CA6: variants seen among roughly 807,000 people sequenced by gnomAD.
CA6 encodes carbonic anhydrase 6, also known as carbonate dehydratase VI.
Under a neutral mutation model 35.9 loss-of-function variants are expected in CA6, and 28 were observed. That is an observed-to-expected ratio of 0.78 (90% CI 0.58 to 1.07). The LOEUF is 1.07. Among genes scored for constraint, CA6 ranks in the 50% least tolerant of loss-of-function variants. The probability of loss-of-function intolerance (pLI) is 0.00; values close to 1 mark genes in which losing one functional copy is unlikely to be tolerated. For missense variants in CA6, 377 were observed against 382.0 expected (o/e 0.99, Z 0.11); for synonymous variants, 148 against 152.6 (o/e 0.97, Z 0.22).
rs544381835 is a variant in CA6, at chr1:8,957,416, C to T, written c.408+131C>T. 61 of 794,484 alleles carry T rather than the reference C, an allele frequency of 7.7e-5. No individual in the cohort carries two copies. The African/African-American group carries it at 1.0e-3, about 14-fold the overall frequency. 49.2% of individuals were successfully genotyped at this position (794,484 alleles called of 1,614,324 possible). A position where few individuals can be genotyped will look rare whatever the true frequency, so the allele number is the denominator to read the frequency against. ...AGTGCAGTGGCACAATCTCAGCTCA[C>T]TGCAACCTCCGCCTTCTGGGTTCAA... On this transcript the variant is annotated intron_variant, in intron 3 of 7. Transcript: ENST00000377443.
chr1:8,955,573 C>T (rs934654091), intron 2 of CA6, among the ~76,000 whole-genome samples: 1 of 152,200 alleles, frequency 6.6e-6, no homozygotes, highest in African/African-American at 2.4e-5. Flanking sequence ...TGCTCGGGTC[C>T]TCAGCTCCTC....
At chr1:8,950,158 T>C (rs577331799) in intron 2 of CA6, among the ~76,000 whole-genome samples, 1 of 151,978 alleles carries the variant, frequency 6.6e-6, no homozygotes, top group South Asian at 2.1e-4. Flanking sequence ...TTTTTTTGTA[T>C]TTTTAGTAGA....
At chr1:8,951,833 T>TTG (rs935722692) in intron 2 of CA6, 5 of 321,258 alleles carry the variant, frequency 1.6e-5, no homozygotes, top group African/African-American at 8.7e-5. Context: ...ACAATTTTTT[T>TTG]TTTTGAGATG....
chr1:8,950,166 A>G (rs928526041), intron 2 of CA6, among the ~76,000 whole-genome samples: 1 of 151,922 alleles, frequency 6.6e-6, no homozygotes, highest in Admixed American at 6.6e-5. Context: ...TATTTTTAGT[A>G]GAGACGAGGT....
intron 6 of CA6, among the ~76,000 whole-genome samples, chr1:8,969,814 G>A (rs1004280425): frequency 1.3e-5 from 2 of 152,144 alleles, no homozygotes; most frequent in African/African-American, 2.4e-5. Flanking sequence ...GTGAAAGTCA[G>A]AAGGGAGTGG....
chr1:8,946,012 T>C (rs765660506), intron 1 of CA6, 47 bp downstream of exon 1: 3 of 1,186,672 alleles, frequency 2.5e-6, no homozygotes, highest in Non-Finnish European at 3.7e-6. Flanking sequence ...CTCACACCCT[T>C]ACAACAGGAC....
Position 8,973,768 on chromosome 1 carries a change from CTT to C in CA6, c.845-852_845-851del, listed in dbSNP as rs1178814042. Among the ~76,000 whole-genome samples the C allele has an allele frequency of 4.1e-4, 9 of 22,006 alleles. 1 individual carries two copies. Among genetic ancestry groups the C allele is most frequent in the African/African-American group, 6.2e-4 (2 of 3,234 alleles). 14.4% of individuals were successfully genotyped at this position (22,006 alleles called of 152,430 possible). ...TCTTTCTTTCTTTCTTTCTTTCTTT[CTT>C]TCTTTCTTTCTTTCTTTTCCCTCCC... On this transcript the variant is annotated intron_variant, in intron 7 of 7. Coordinates refer to ENST00000377443, the MANE Select transcript of CA6 (RefSeq NM_001215.4).
intron 2 of CA6, 46 bp downstream of exon 2, chr1:8,949,488 C>A (rs2274331): frequency 0.11 from 170,131 of 1,503,158 alleles, 10,397 homozygotes; most frequent in East Asian, 0.19. Flanking sequence ...GGGCAGCCTG[C>A]AGGGGAAGGC....
chr1:8,970,674 A>C (rs932797649), intron 6 of CA6, among the ~76,000 whole-genome samples, 193 bp from the exon 7 acceptor site: 32 of 151,872 alleles, frequency 2.1e-4, no homozygotes, highest in African/African-American at 7.0e-4. Context: ...ATGATCAGCT[A>C]ATTTTTAGTA....
intron 1 of CA6, 78 bp downstream of exon 1, chr1:8,946,043 T>TTC: frequency 2.9e-6 from 1 of 342,062 alleles, no homozygotes; most frequent in Non-Finnish European, 4.7e-6. Context: ...CTTCTTCTTC[T>TTC]TTTTTTTTTT....
At chr1:8,962,799 C>G in intron 5 of CA6, 143 bp downstream of exon 5, 1 of 704,428 alleles carries the variant, frequency 1.4e-6, no homozygotes, top group Non-Finnish European at 2.5e-6. Context: ...CCTCCCTGTG[C>G]CAGGTTACTT....
intron 2 of CA6, 128 bp downstream of exon 2, chr1:8,949,570 G>T (rs74050961): frequency 9.3e-6 from 7 of 753,066 alleles, no homozygotes; most frequent in Non-Finnish European, 1.5e-5. Flanking sequence ...TGGAGGCCTC[G>T]AACATGAGGG....
intron 6 of CA6, among the ~76,000 whole-genome samples, chr1:8,968,461 GA>G (rs1640027661): frequency 6.6e-6 from 1 of 151,454 alleles, no homozygotes; most frequent in Non-Finnish European, 1.5e-5. Context: ...AAAGTTACTT[GA>G]AATTAGCTCA....
intron 5 of CA6, among the ~76,000 whole-genome samples, chr1:8,966,256 C>T (rs1458808200): frequency 6.6e-5 from 10 of 152,052 alleles, no homozygotes; most frequent in African/African-American, 1.9e-4. Context: ...ATTACAGGCA[C>T]GTGCCACCAT....
chr1:8,955,620 GCCT>G (rs1221135833), intron 2 of CA6, among the ~76,000 whole-genome samples: 1 of 148,698 alleles, frequency 6.7e-6, no homozygotes, highest in East Asian at 2.1e-4. Flanking sequence ...GACCTTGCAC[GCCT>G]CCTTTTAAGG....
In CA6 at chr1:8,974,853, G is replaced by C. The variant is rs1640227557; in HGVS notation, c.*149G>C. ...CCCCTGGGGCAGCTGTTGGGATTCTGATTAAAAGAGGGGAAACGATCATCC... is the reference window on the plus strand; with the variant it reads ...CCCCTGGGGCAGCTGTTGGGATTCTCATTAAAAGAGGGGAAACGATCATCC... On this transcript the variant is annotated 3_prime_UTR_variant, in exon 8 of 8. Transcript: ENST00000377443. The C allele has an allele frequency of 1.9e-6, 1 of 532,924 alleles. No individual in the cohort carries two copies. The highest frequency in any genetic ancestry group is 3.3e-6 in the Non-Finnish European group (1 of 306,640). The allele number at this position is 532,924 out of a possible 1,614,324, so 33.0% of individuals were successfully genotyped here.
chr1:8,960,785 C>A (rs993702107), intron 4 of CA6, among the ~76,000 whole-genome samples: 11 of 98,158 alleles, frequency 1.1e-4, no homozygotes, highest in Non-Finnish European at 1.9e-4. Flanking sequence ...CACACACACA[C>A]ACACATATAT....
At position 8,949,315 on chromosome 1, in the gene CA6, C is replaced by T. The variant is rs778196199; in HGVS notation, c.132C>T (p.Gly44=). The T allele has an allele frequency of 1.2e-6, 2 of 1,613,072 alleles. No individual in the cohort carries two copies. Among genetic ancestry groups the T allele is most frequent in the Non-Finnish European group, 1.7e-6 (2 of 1,179,450 alleles). Residue 44 remains glycine, a synonymous_variant, in exon 2 of 8, where the codon GGC becomes GGT. Transcript: ENST00000377443. The stretch of plus-strand genomic sequence containing the variant: ...CACAGCACTACCCCGCCTGTGGGGG[C>T]CAGAGACAGTCGCCTATCAACCTAC... ...HWPQHYPACG[G]QRQSPINLQR...
At chr1:8,954,301 T>A (rs544061949) in intron 2 of CA6, among the ~76,000 whole-genome samples, 11 of 152,020 alleles carry the variant, frequency 7.2e-5, no homozygotes, top group African/African-American at 2.7e-4. Context: ...AGTAGCTGGG[T>A]TTACAGGCAT....
Sources: gnomAD v4.1 joint callset for allele counts (sites outside exome capture counted in the v4.1 genomes callset) on GRCh38, gnomAD v4.1.1 for gene constraint, MANE v1.5 for transcripts, NCBI Gene and HGNC (gene_info 2026-07-23, HGNC 2026-07-21) for gene names.